The following TMEM132B variants were observed in gnomAD, a reference collection of about 807,000 sequenced individuals.
TMEM132B encodes the protein transmembrane protein 132B.
TMEM132B carries 18 observed loss-of-function variants against 90.8 expected under a neutral mutation model. The observed-to-expected ratio is 0.20, with a 90% confidence interval of 0.14 to 0.29. The LOEUF is 0.29. Ranked by LOEUF, TMEM132B falls within the 10% of genes least tolerant of loss-of-function variation. TMEM132B has a pLI of 1.00. For synonymous variants in TMEM132B, 504 were observed against 523.3 expected (o/e 0.96, Z 0.50); for missense variants, 1,096 against 1,326.8 (o/e 0.83, Z 2.70).
At chr12:125,525,029 A>G (rs1883410178) in intron 4 of TMEM132B, among the ~76,000 whole-genome samples, 1 of 152,080 alleles carries the variant, frequency 6.6e-6, no homozygotes, top group Admixed American at 6.5e-5. Flanking sequence ...GATGTGTGTA[A>G]TGAGTAGGAG....
At chr12:125,602,642 C>T (rs922926045) in intron 5 of TMEM132B, among the ~76,000 whole-genome samples, 8 of 152,052 alleles carry the variant, frequency 5.3e-5, no homozygotes, top group Admixed American at 1.3e-4. Flanking sequence ...AGAAATAAAG[C>T]GTATTCAAAT....
intron 4 of TMEM132B, among the ~76,000 whole-genome samples, chr12:125,536,720 T>C (rs1055284814): frequency 2.6e-5 from 4 of 152,202 alleles, no homozygotes; most frequent in Non-Finnish European, 4.4e-5. Flanking sequence ...CAAAACCTTA[T>C]ATCCATTGTG....
chr12:125,585,626 C>G (rs1396710325), intron 5 of TMEM132B: 2 of 152,344 alleles, frequency 1.3e-5, no homozygotes, highest in South Asian at 4.1e-4. Flanking sequence ...TCCTCCTTCT[C>G]TTGCCCTGAA....
Position 125,288,117 on chromosome 12 carries a change from G to A in TMEM132B, c.68-61335G>A, listed in dbSNP as rs1179213964. On this transcript the variant is annotated intron_variant, in intron 1 of 8. Coordinates refer to ENST00000682704, the MANE Select transcript of TMEM132B (RefSeq NM_001366854.1). The stretch of plus-strand genomic sequence containing the variant: ...TTAAACTCCTGACTTCAGGTGATCC[G>A]CCAGCCTTGCGCTCCCAAAGTGCTG... 1.3e-5 allele frequency among the ~76,000 whole-genome samples: 2 copies of A among 151,176 alleles called. 1 individual carries two copies. Among genetic ancestry groups the A allele is most frequent in the East Asian group, 4.0e-4 (2 of 5,020 alleles).
chr12:125,641,885 T>C (rs1345381837), intron 5 of TMEM132B, among the ~76,000 whole-genome samples: 2 of 152,190 alleles, frequency 1.3e-5, no homozygotes, highest in African/African-American at 4.8e-5. Context: ...CTACAGAACA[T>C]TGGACTGAGA....
intron 1 of TMEM132B, among the ~76,000 whole-genome samples, chr12:125,195,117 C>T (rs1340409074): frequency 6.6e-6 from 1 of 152,138 alleles, no homozygotes; most frequent in Non-Finnish European, 1.5e-5. Flanking sequence ...CTGGAGACTC[C>T]CTCCAATTTG....
chr12:125,562,753 GA>G (rs1290844325), intron 4 of TMEM132B, among the ~76,000 whole-genome samples: 1 of 152,074 alleles, frequency 6.6e-6, no homozygotes, highest in Non-Finnish European at 1.5e-5. Context: ...TCTATAAGGG[GA>G]AACCCCTTTT....
intron 3 of TMEM132B, among the ~76,000 whole-genome samples, chr12:125,418,461 C>T (rs1880083610): frequency 1.3e-5 from 2 of 152,122 alleles, no homozygotes; most frequent in Non-Finnish European, 2.9e-5. Flanking sequence ...TTTATGCTTA[C>T]CTAATCTCGC....
At chr12:125,395,548 G>C (rs1879146723) in intron 2 of TMEM132B, among the ~76,000 whole-genome samples, 1 of 152,162 alleles carries the variant, frequency 6.6e-6, no homozygotes, top group Non-Finnish European at 1.5e-5. Flanking sequence ...TCCACCATCT[G>C]TTCTCTTGTC....
At chr12:125,440,004 C>T (rs1448389761) in intron 3 of TMEM132B, among the ~76,000 whole-genome samples, 1 of 152,130 alleles carries the variant, frequency 6.6e-6, no homozygotes, top group African/African-American at 2.4e-5. Context: ...AACCTTGCAT[C>T]CTGGGGTTGC....
chr12:125,422,213 A>G (rs936356709), intron 3 of TMEM132B, among the ~76,000 whole-genome samples: 3 of 152,234 alleles, frequency 2.0e-5, no homozygotes, highest in African/African-American at 7.2e-5. Flanking sequence ...TGGATATGGA[A>G]CGTTATTATT....
chr12:125,211,890 C>T (rs1019846221), intron 1 of TMEM132B, among the ~76,000 whole-genome samples: 4 of 152,158 alleles, frequency 2.6e-5, no homozygotes, highest in African/African-American at 7.2e-5. Flanking sequence ...GGTCTCAGGG[C>T]GTGTAAACAC....
intron 5 of TMEM132B, among the ~76,000 whole-genome samples, chr12:125,634,890 G>A (rs1886446172): frequency 6.6e-6 from 1 of 152,126 alleles, no homozygotes; most frequent in Admixed American, 6.5e-5. Context: ...CTGGGGTTGG[G>A]GAAGGGTGAT....
intron 1 of TMEM132B, among the ~76,000 whole-genome samples, chr12:125,259,472 A>G (rs1437944816): frequency 6.6e-6 from 1 of 152,200 alleles, no homozygotes; most frequent in African/African-American, 2.4e-5. Context: ...CAATGTCGTC[A>G]GCCTTCTGGA....
chr12:125,550,248 G>A (rs1485437001), intron 4 of TMEM132B, among the ~76,000 whole-genome samples: 1 of 152,192 alleles, frequency 6.6e-6, no homozygotes, highest in Non-Finnish European at 1.5e-5. Flanking sequence ...CCACTCATGA[G>A]GGCTGAACCT....
chr12:125,565,356 C>T (rs1273566847), intron 4 of TMEM132B, among the ~76,000 whole-genome samples: 1 of 152,202 alleles, frequency 6.6e-6, no homozygotes, highest in African/African-American at 2.4e-5. Flanking sequence ...GGGGCAAGTG[C>T]CTCTGGGCTC....
intron 3 of TMEM132B, among the ~76,000 whole-genome samples, chr12:125,515,357 CAT>C (rs1400944659): frequency 7.9e-5 from 12 of 151,886 alleles, no homozygotes; most frequent in African/African-American, 2.9e-4. Context: ...CTCACACACA[CAT>C]TGACACATTC....
rs182602339 is a variant in TMEM132B, at chr12:125,421,884, G to A, written c.1106+6207G>A. 9.5e-4 allele frequency among the ~76,000 whole-genome samples: 145 copies of A among 152,328 alleles called. 1 individual carries two copies. The highest frequency in any genetic ancestry group is 3.1e-3 in the African/African-American group (127 of 41,574). On this transcript the variant is annotated intron_variant, in intron 3 of 8. Transcript: ENST00000682704. ...ATTGTGCTGAAGGATTCTTATTCAA[G>A]TTTAAGAAAAGAAGGGAGACAGTTG...
intron 4 of TMEM132B, among the ~76,000 whole-genome samples, chr12:125,547,566 TTTG>T (rs907735633): frequency 3.9e-5 from 6 of 152,126 alleles, no homozygotes; most frequent in African/African-American, 7.2e-5. Context: ...ATTTTTGTCT[TTTG>T]TTGTTGTTGT....
Sources: allele counts gnomAD v4.1 joint callset (sites outside exome capture counted in the v4.1 genomes callset), GRCh38; gene constraint gnomAD v4.1.1; transcripts MANE v1.5; gene names NCBI Gene and HGNC (gene_info 2026-07-23, HGNC 2026-07-21).